The following HENMT1 variants were observed in gnomAD, a reference collection of about 807,000 sequenced individuals.
The protein encoded by HENMT1 is small RNA 2'-O-methyltransferase.
A neutral mutation model predicts 31.1 loss-of-function variants in HENMT1; 27 were observed. The observed-to-expected ratio is 0.87, with a 90% confidence interval of 0.64 to 1.20. The LOEUF (loss-of-function observed/expected upper bound fraction) is 1.20. Ranked by LOEUF, HENMT1 falls within the 50% of genes most tolerant of loss-of-function variation. The pLI, the probability that HENMT1 is intolerant of heterozygous loss-of-function variation, is 0.00. For synonymous variants in HENMT1, 167 were observed against 172.2 expected, an observed-to-expected ratio of 0.97 and a Z score of 0.24; for missense variants, 438 against 469.6, an observed-to-expected ratio of 0.93 and a Z score of 0.62.
chr1:108,653,290 AC>A (rs1658113704), intron 5 of HENMT1, among the ~76,000 whole-genome samples: 1 of 152,174 alleles, frequency 6.6e-6, no homozygotes. Flanking sequence ...TGCTGGGATT[AC>A]AGGCGTGAGC....
Position 108,661,020 on chromosome 1 carries a change from AGCATG to A in HENMT1, c.-141_-137del. The A allele has an allele frequency of 6.1e-6, 6 of 985,106 alleles. No homozygotes were observed. The highest frequency in any genetic ancestry group is 7.2e-6 in the Non-Finnish European group (6 of 829,706). The allele number at this position is 985,106 out of a possible 1,614,324, so 61.0% of individuals were successfully genotyped here. A position where few individuals can be genotyped will look rare whatever the true frequency, so the allele number is the denominator to read the frequency against. ...TCGCTTCCATCATCCTGCGGTAAGC[AGCATG>A]CCCAACCGAAAAAACAAAGCTCGTC... On this transcript the variant is annotated 5_prime_UTR_variant, in exon 1 of 8. It removes an upstream start codon present in the reference 5' UTR. Transcript: ENST00000651461.
intron 6 of HENMT1, 104 bp downstream of exon 6, chr1:108,650,926 G>GAA: frequency 1.3e-6 from 1 of 778,500 alleles, no homozygotes. Flanking sequence ...TTTATTGGAA[G>GAA]AAAGTACAAA....
At chr1:108,658,624 T>C (rs1298912777) in intron 2 of HENMT1, among the ~76,000 whole-genome samples, 2 of 152,198 alleles carry the variant, frequency 1.3e-5, no homozygotes, top group East Asian at 1.9e-4. Flanking sequence ...TCTTCTTGAA[T>C]AGACCTCAAA....
Position 108,648,729 on chromosome 1 carries a change from A to G in HENMT1, c.1019T>C (p.Phe340Ser). The G allele has an allele frequency of 6.2e-7, 1 of 1,614,196 alleles. No individual in the cohort carries two copies. The highest frequency in any genetic ancestry group is 8.5e-7 in the Non-Finnish European group (1 of 1,180,046). Residue 340 changes from phenylalanine to serine, a missense_variant, in exon 8 of 8, where the codon TTC (phenylalanine) becomes TCC (serine). By Grantham distance (155) the Phe-to-Ser change is radical. Transcript: ENST00000651461. ...CGCAAGGAGTCTCTGCAGAGGTACG[A>G]AAAATTTATCTCCAACACAGAAGGG... Reference protein sequence around the residue: ...PTPFCVGDKFFVPLQRLLAYP... With the variant: ...PTPFCVGDKFSVPLQRLLAYP...
chr1:108,661,229 T>TCTCTAG (rs1392397360), upstream of HENMT1: 1 of 152,460 alleles, frequency 6.6e-6, no homozygotes, highest in African/African-American at 2.4e-5. Flanking sequence ...AGCCTCATGG[T>TCTCTAG]GCGCCGAGCT....
upstream of HENMT1, chr1:108,661,184 C>T (rs1369860370): frequency 6.2e-6 from 1 of 161,880 alleles, no homozygotes; most frequent in African/African-American, 2.4e-5. Context: ...GCTCGCCAAC[C>T]TCGTGCGCTC....
chr1:108,650,717 G>A (rs904756203), intron 6 of HENMT1, among the ~76,000 whole-genome samples: 2 of 152,162 alleles, frequency 1.3e-5, no homozygotes, highest in African/African-American at 4.8e-5. Context: ...TAAGCCTCAG[G>A]AGATATCCCG....
chr1:108,659,121 G>A (rs577716017), intron 2 of HENMT1, among the ~76,000 whole-genome samples: 6 of 152,108 alleles, frequency 3.9e-5, no homozygotes, highest in East Asian at 3.9e-4. Context: ...GTACTTCTGC[G>A]TCTCAGTTCC....
chr1:108,661,105 G>C, upstream of HENMT1: 1 of 603,300 alleles, frequency 1.7e-6, no homozygotes, highest in African/African-American at 2.0e-5. Context: ...CGCACGCACG[G>C]CCTCGCTGCG....
Position 108,648,572 on chromosome 1 carries a change from C to T in HENMT1, c.1176G>A (p.Glu392=). The T allele has an allele frequency of 6.2e-7, 1 of 1,611,782 alleles. No homozygotes were observed. The highest frequency in any genetic ancestry group is 8.5e-7 in the Non-Finnish European group (1 of 1,178,078). Residue 392 remains glutamate (E), a synonymous_variant, in exon 8 of 8, where the codon GAG becomes GAA. Transcript: ENST00000651461. ...DLRNYFDEQF[E]F is the part of the protein sequence containing the mutation. ...TTCAGGAAATAAACATGGTTCAAAACTCAAACTGTTCATCAAAATAATTAC... is the reference window on the plus strand; with the variant it reads ...TTCAGGAAATAAACATGGTTCAAAATTCAAACTGTTCATCAAAATAATTAC...
At position 108,650,369 on chromosome 1, in the gene HENMT1, G is replaced by C. The variant is rs747321970; in HGVS notation, c.598C>G (p.Arg200Gly). Reference sequence around the variant, plus strand: ...GTAAACTCCACAGAGTAATCATAGCGATTTGCCACATATAAAGCCCTGAAA... The same window carrying C: ...GTAAACTCCACAGAGTAATCATAGCCATTTGCCACATATAAAGCCCTGAAA... The part of the protein sequence containing the change: ...FQTWALYVAN[R>G]YDYSVEFTGV... Residue 200 changes from arginine (R) to glycine (G), a missense_variant, in exon 7 of 8, where the codon CGC becomes GGC. Physicochemically the swap from Arg to Gly is moderately radical, Grantham distance 125 (BLOSUM62 -2). Transcript: ENST00000651461. 5.0e-6 allele frequency: 8 copies of C among 1,612,946 alleles called. No individual in the cohort carries two copies. Among genetic ancestry groups the C allele is most frequent in the Admixed American group, 1.7e-5 (1 of 59,782 alleles).
intron 5 of HENMT1, among the ~76,000 whole-genome samples, chr1:108,652,241 C>A (rs550240004): frequency 6.6e-6 from 1 of 152,144 alleles, no homozygotes; most frequent in African/African-American, 2.4e-5. Context: ...ATTAGGTAAT[C>A]GTACTGTATC....
Position 108,648,301 on chromosome 1 carries a change from T to C in HENMT1, c.*265A>G. On this transcript the variant is annotated 3_prime_UTR_variant, in exon 8 of 8. Transcript: ENST00000651461. ...AAAATAGGTAAGTTCAAAATTAACA[T>C]ATTACCACATCCAACTTCTTTATTC... 1 of 468,844 alleles carries C rather than the reference T, an allele frequency of 2.1e-6. No homozygotes were observed. The highest frequency in any genetic ancestry group is 3.7e-5 in the East Asian group (1 of 26,778). 29.0% of individuals were successfully genotyped at this position (468,844 alleles called of 1,614,324 possible).
intron 5 of HENMT1, among the ~76,000 whole-genome samples, chr1:108,652,099 G>A (rs1442376792): frequency 6.6e-6 from 1 of 152,236 alleles, no homozygotes; most frequent in Non-Finnish European, 1.5e-5. Context: ...ACCTGCTTCA[G>A]ATTAAAGGAG....
Position 108,648,710 on chromosome 1 carries a change from G to A in HENMT1, c.1038C>T (p.Leu346=). The part of the protein sequence containing the change: ...GDKFFVPLQR[L]LAYPKLNRLC... The stretch of plus-strand genomic sequence containing the variant: ...AGCGGTTCAACTTGGGATACGCAAG[G>A]AGTCTCTGCAGAGGTACGAAAAATT... The change falls in exon 8 of 8, where the codon CTC becomes CTT. Residue 346 remains leucine (L), a synonymous_variant. Transcript: ENST00000651461. 23 of 1,614,182 alleles carry A rather than the reference G, an allele frequency of 1.4e-5. No individual in the cohort carries two copies. The highest frequency in any genetic ancestry group is 1.9e-5 in the Non-Finnish European group (22 of 1,180,036).
chr1:108,654,767 A>G lies in HENMT1; in HGVS notation c.347T>C (p.Val116Ala). ...TCCAAGCAAACGAGAGTCTCTCTCCACAACGGAGCCATGATACAATGTGAT... is the reference window on the plus strand; with the variant it reads ...TCCAAGCAAACGAGAGTCTCTCTCCGCAACGGAGCCATGATACAATGTGAT... Reference protein sequence around the residue: ...LTITLYHGSVVERDSRLLGFD... With the variant: ...LTITLYHGSVAERDSRLLGFD... The change falls in exon 5 of 8, where the codon GTG becomes GCG. Residue 116 changes from valine to alanine, a missense_variant. Val to Ala is a moderately conservative substitution (Grantham distance 64). Transcript: ENST00000651461. The G allele has an allele frequency of 6.2e-7, 1 of 1,614,164 alleles. No individual in the cohort carries two copies. Among genetic ancestry groups the G allele is most frequent in the Non-Finnish European group, 8.5e-7 (1 of 1,179,982 alleles).
chr1:108,649,442 AAAAAAAC>A (rs1557737855), intron 7 of HENMT1: 2 of 442,870 alleles, frequency 4.5e-6, no homozygotes, highest in Non-Finnish European at 9.0e-6. Context: ...CTCTACGGAA[AAAAAAAC>A]AAAAAACAAA....
intron 5 of HENMT1, among the ~76,000 whole-genome samples, chr1:108,652,232 T>A (rs962916523): frequency 5.3e-5 from 8 of 152,184 alleles, no homozygotes; most frequent in African/African-American, 1.9e-4. Flanking sequence ...TGGACTTAGA[T>A]TAGGTAATCG....
intron 3 of HENMT1, among the ~76,000 whole-genome samples, 195 bp from the exon 4 acceptor site, chr1:108,655,893 T>C (rs897378871): frequency 4.3e-5 from 4 of 94,116 alleles, no homozygotes; most frequent in African/African-American, 1.5e-4. Flanking sequence ...ACACACACAC[T>C]AACCTGAAAC....
Sources: allele counts gnomAD v4.1 joint callset (sites outside exome capture counted in the v4.1 genomes callset), GRCh38; gene constraint gnomAD v4.1.1; transcripts MANE v1.5; gene names NCBI Gene and HGNC (gene_info 2026-07-23, HGNC 2026-07-21).